Variants in PLCG2 observed in about 807,000 individuals in gnomAD.
The protein encoded by PLCG2 is phospholipase C gamma 2.
Under a neutral mutation model 175.6 loss-of-function variants are expected in PLCG2, and 69 were observed. That is an observed-to-expected ratio of 0.39 (90% CI 0.32 to 0.48). The LOEUF (loss-of-function observed/expected upper bound fraction) is 0.48, where lower values mean the gene tolerates loss of function less well. Among genes scored for constraint, PLCG2 ranks in the 20% least tolerant of loss-of-function variants. The probability of loss-of-function intolerance (pLI) is 0.91; values close to 1 mark genes in which losing one functional copy is unlikely to be tolerated. For missense variants in PLCG2, 1,798 were observed against 1,650.9 expected (o/e 1.09, Z -1.54); for synonymous variants, 827 against 624.0 (o/e 1.33, Z -4.85).
rs2143576325 is a variant in PLCG2 at position 81,883,309 on chromosome 16, G to T, written c.733G>T (p.Asp245Tyr). Residue 245 changes from aspartate (D) to tyrosine (Y), a missense_variant, in exon 9 of 33, where the codon GAC (aspartate) becomes TAC (tyrosine). Asp to Tyr is a radical substitution (Grantham distance 160). Transcript: ENST00000564138. ...GGATGCCTCTGCTGTTTACCTGCATGACTTCCAGAGGTTTCTCATACATGA... is the reference window on the plus strand; with the variant it reads ...GGATGCCTCTGCTGTTTACCTGCATTACTTCCAGAGGTTTCTCATACATGA... ...RPDASAVYLH[D>Y]FQRFLIHEQQ... The T allele has an allele frequency of 6.2e-7, 1 of 1,614,162 alleles. No individual in the cohort carries two copies. The highest frequency in any genetic ancestry group is 1.1e-5 in the South Asian group (1 of 91,082).
chr16:81,858,467 T>A, intron 4 of PLCG2, 111 bp downstream of exon 4: 1 of 775,306 alleles, frequency 1.3e-6, no homozygotes, highest in South Asian at 1.4e-5. Flanking sequence ...ATTGGTTTTT[T>A]GAGGCTCGTT....
In PLCG2 at chr16:81,961,202, A is replaced by G. The variant is rs1911766051; in HGVS notation, c.*3204A>G. ...GGAAGAATTCAGTGATTCTGCTATCATAAAGCTTCCGTTCCCATTGATGTA... is the reference window on the plus strand; with the variant it reads ...GGAAGAATTCAGTGATTCTGCTATCGTAAAGCTTCCGTTCCCATTGATGTA... On this transcript the variant is annotated 3_prime_UTR_variant, in exon 33 of 33. Coordinates refer to ENST00000564138, the MANE Select transcript of PLCG2 (RefSeq NM_002661.5). 4.4e-6 allele frequency: 1 copy of G among 227,506 alleles called. No homozygotes were observed. Among genetic ancestry groups the G allele is most frequent in the Non-Finnish European group, 8.7e-6 (1 of 114,656 alleles). The allele number at this position is 227,506 out of a possible 1,614,324, so 14.1% of individuals were successfully genotyped here. A position where few individuals can be genotyped will look rare whatever the true frequency, so the allele number is the denominator to read the frequency against.
At chr16:81,877,717 G>C (rs1182028661) in intron 7 of PLCG2, among the ~76,000 whole-genome samples, 1 of 151,768 alleles carries the variant, frequency 6.6e-6, no homozygotes, top group Non-Finnish European at 1.5e-5. Flanking sequence ...TTGGTGTGCA[G>C]ACACCATCAC....
chr16:81,854,531 G>A lies in PLCG2; in HGVS notation c.281G>A (p.Cys94Tyr), dbSNP rs762080942. ...AAAGCAGTTCGCCAGAAAGAAGACT[G>A]CTGCTTCACCATCCTATATGGCACT... is the stretch of plus-strand genomic sequence containing the variant. ...RAKAVRQKED[C>Y]CFTILYGTQF... The change falls in exon 3 of 33, where the codon TGC becomes TAC. Residue 94 changes from cysteine to tyrosine, a missense_variant. Cys to Tyr is a radical substitution (Grantham distance 194). Coordinates refer to ENST00000564138, the MANE Select transcript of PLCG2 (RefSeq NM_002661.5). The A allele has an allele frequency of 2.5e-6, 4 of 1,613,984 alleles. No homozygotes were observed. The highest frequency in any genetic ancestry group is 2.2e-5 in the East Asian group (1 of 44,888).
At chr16:81,744,943 G>C (rs1305541860) in intron 1 of PLCG2, among the ~76,000 whole-genome samples, 1 of 152,220 alleles carries the variant, frequency 6.6e-6, no homozygotes, top group Non-Finnish European at 1.5e-5. Flanking sequence ...GAAGGAAGGG[G>C]AAAGGAAGAA....
At chr16:81,813,870 A>G (rs944447748) in intron 2 of PLCG2, among the ~76,000 whole-genome samples, 2 of 152,216 alleles carry the variant, frequency 1.3e-5, no homozygotes, top group Non-Finnish European at 2.9e-5. Flanking sequence ...AGAAGCCTGA[A>G]GCTTTTGCTG....
intron 5 of PLCG2, among the ~76,000 whole-genome samples, chr16:81,862,828 T>C (rs1349364179): frequency 1.3e-5 from 2 of 152,074 alleles, no homozygotes; most frequent in Admixed American, 1.3e-4. Context: ...ACCATGATTG[T>C]GCCACTGAGC....
At chr16:81,740,987 A>T (rs1373072648) in intron 1 of PLCG2, among the ~76,000 whole-genome samples, 1 of 152,208 alleles carries the variant, frequency 6.6e-6, no homozygotes, top group Non-Finnish European at 1.5e-5. Context: ...GCAAGTTTGA[A>T]TAGAGTTCTA....
intron 2 of PLCG2, among the ~76,000 whole-genome samples, chr16:81,840,376 G>A (rs568542956): frequency 4.6e-5 from 7 of 152,272 alleles, no homozygotes; most frequent in African/African-American, 1.7e-4. Flanking sequence ...TTGGCCTGGG[G>A]GGATAGTGTG....
intron 2 of PLCG2, among the ~76,000 whole-genome samples, chr16:81,792,480 CAAAAAAAAAAAAAAAAA>C (rs532680550): frequency 4.3e-5 from 3 of 70,164 alleles, no homozygotes; most frequent in African/African-American, 1.3e-4. Flanking sequence ...GGCTCTGTCT[CAAAAAAAAAAAAAAAAA>C]AAAAAAAAAA....
intron 2 of PLCG2, among the ~76,000 whole-genome samples, chr16:81,796,931 G>A (rs1470569071): frequency 1.3e-5 from 2 of 152,160 alleles, no homozygotes; most frequent in South Asian, 4.1e-4. Context: ...CATGTAACAG[G>A]GGCCTGAGGG....
At chr16:81,929,508 G>T (rs1304500717) in intron 24 of PLCG2, among the ~76,000 whole-genome samples, 1 of 152,180 alleles carries the variant, frequency 6.6e-6, no homozygotes, top group Non-Finnish European at 1.5e-5. Flanking sequence ...TGATTCTCCT[G>T]CCTCAGCCTC....
At chr16:81,889,127 T>C (rs778721369) in intron 9 of PLCG2, 45 bp from the exon 10 acceptor site, 60 of 1,141,896 alleles carry the variant, frequency 5.3e-5, no homozygotes, top group Non-Finnish European at 7.0e-5. Context: ...AAGAATTTTA[T>C]CAGTTCTCAC....
chr16:81,752,789 C>G (rs1049653343), intron 1 of PLCG2, among the ~76,000 whole-genome samples: 1 of 152,236 alleles, frequency 6.6e-6, no homozygotes, highest in Admixed American at 6.5e-5. Flanking sequence ...GCTGGAAGCT[C>G]CAGCCTAGCA....
intron 2 of PLCG2, among the ~76,000 whole-genome samples, chr16:81,757,424 C>T (rs970131317): frequency 2.0e-5 from 3 of 151,974 alleles, no homozygotes; most frequent in African/African-American, 2.4e-5. Context: ...ATTAGCCGGG[C>T]GCGGTGGCAG....
chr16:81,891,503 G>A lies in PLCG2; in HGVS notation c.899G>A (p.Ser300Asn), dbSNP rs764885126. 4 of 1,609,582 alleles carry A rather than the reference G, an allele frequency of 2.5e-6. No individual in the cohort carries two copies. The South Asian group carries it at 4.4e-5, about 18-fold the overall frequency. Residue 300 changes from serine to asparagine, a missense_variant, in exon 11 of 33, where the codon AGC (serine) becomes AAC (asparagine). By Grantham distance (46) the Ser-to-Asn change is conservative. Transcript: ENST00000564138. ...ACGTACCTGTTTTCACGAGAAAACA[G>A]CATCTGGGATGAGAAGTATGACGCG... ...FLTYLFSRENSIWDEKYDAVD... is the reference protein window; with the variant it reads ...FLTYLFSRENNIWDEKYDAVD...
intron 5 of PLCG2, among the ~76,000 whole-genome samples, chr16:81,866,791 C>A (rs1463080428): frequency 6.6e-6 from 1 of 152,242 alleles, no homozygotes; most frequent in Non-Finnish European, 1.5e-5. Flanking sequence ...CATGATCTGG[C>A]TCCTCTCCCC....
At chr16:81,823,451 A>C (rs1403349742) in intron 2 of PLCG2, among the ~76,000 whole-genome samples, 1 of 152,200 alleles carries the variant, frequency 6.6e-6, no homozygotes, top group African/African-American at 2.4e-5. Flanking sequence ...TAGGGGCTGC[A>C]CTGTCTGATC....
intron 2 of PLCG2, among the ~76,000 whole-genome samples, chr16:81,836,861 G>A (rs935602402): frequency 6.6e-6 from 1 of 152,226 alleles, no homozygotes; most frequent in Non-Finnish European, 1.5e-5. Context: ...AAGGAAGACA[G>A]TCATCTCAGC....
Sources: allele counts gnomAD v4.1 joint callset (sites outside exome capture counted in the v4.1 genomes callset), GRCh38; gene constraint gnomAD v4.1.1; transcripts MANE v1.5; gene names NCBI Gene and HGNC (gene_info 2026-07-23, HGNC 2026-07-21).